The following AKAP19 variants were observed in gnomAD, a reference collection of about 807,000 sequenced individuals.
AKAP19 encodes A-kinase anchoring protein 19, also known as small A-kinase anchoring protein.
the AKAP19 span, among the ~76,000 whole-genome samples, chr2:189,936,086 A>G: frequency 2.6e-5 from 4 of 152,266 alleles, no homozygotes; most frequent in African/African-American, 9.6e-5. Flanking sequence ...TTTCTATCTA[A>G]AGATGGTAAA....
the AKAP19 span, among the ~76,000 whole-genome samples, chr2:190,091,523 TTAG>T: frequency 7.3e-6 from 1 of 136,360 alleles, no homozygotes; most frequent in South Asian, 2.5e-4. Flanking sequence ...TTGTATCAAA[TTAG>T]TAGTTTATCC....
chr2:190,159,123 G>C, the AKAP19 span, among the ~76,000 whole-genome samples: 55 of 152,322 alleles, frequency 3.6e-4, no homozygotes, highest in African/African-American at 1.3e-3. Flanking sequence ...GCTGGGATTA[G>C]GCACTTGCCT....
At chr2:189,880,906 C>T in the AKAP19 span, among the ~76,000 whole-genome samples, 124 of 152,184 alleles carry the variant, frequency 8.1e-4, no homozygotes, top group Admixed American at 1.4e-3. Context: ...TGGAGCATTT[C>T]GGGCAAGCCA....
the AKAP19 span, among the ~76,000 whole-genome samples, chr2:189,927,629 T>G: frequency 6.6e-6 from 1 of 152,230 alleles, no homozygotes; most frequent in Non-Finnish European, 1.5e-5. Flanking sequence ...GATTTTAAGT[T>G]GTACACATGA....
the AKAP19 span, among the ~76,000 whole-genome samples, chr2:190,024,073 A>G: frequency 6.6e-6 from 1 of 151,808 alleles, no homozygotes; most frequent in African/African-American, 2.4e-5. Flanking sequence ...GCAATAGTAA[A>G]TGTATTTATG....
At chr2:190,079,400 A>G in the AKAP19 span, 67,871 of 152,126 alleles carry the variant, frequency 0.45, 15,475 homozygotes, top group Middle Eastern at 0.51. Flanking sequence ...TATCATAAGT[A>G]ACTACCACTT....
chr2:190,009,599 G>A, the AKAP19 span, among the ~76,000 whole-genome samples: 1 of 152,182 alleles, frequency 6.6e-6, no homozygotes. Flanking sequence ...GATATGTTGA[G>A]TTTGAGATGT....
the AKAP19 span, among the ~76,000 whole-genome samples, chr2:190,166,871 A>G: frequency 1.3e-5 from 2 of 152,174 alleles, no homozygotes; most frequent in African/African-American, 2.4e-5. Context: ...CTGCTATTCA[A>G]TTATAGCCAG....
the AKAP19 span, among the ~76,000 whole-genome samples, chr2:190,141,002 A>G: frequency 1.3e-5 from 2 of 152,142 alleles, no homozygotes; most frequent in Admixed American, 6.5e-5. Context: ...AGGGCAGGGG[A>G]AAAATGCCAC....
the AKAP19 span, among the ~76,000 whole-genome samples, chr2:189,906,073 CATTTAAT>C: frequency 6.6e-6 from 1 of 152,004 alleles, no homozygotes; most frequent in Non-Finnish European, 1.5e-5. Context: ...ATTTACCAAG[CATTTAAT>C]ATGTCAGGAA....
the AKAP19 span, among the ~76,000 whole-genome samples, chr2:190,118,667 G>A: frequency 3.9e-5 from 6 of 152,150 alleles, no homozygotes; most frequent in Non-Finnish European, 7.4e-5. Context: ...AAATTCAACA[G>A]CCCTTCATGC....
At chr2:189,928,264 C>G in the AKAP19 span, among the ~76,000 whole-genome samples, 1 of 151,986 alleles carries the variant, frequency 6.6e-6, no homozygotes, top group East Asian at 1.9e-4. Flanking sequence ...TATTTGAAGG[C>G]CCATTGTATC....
the AKAP19 span, among the ~76,000 whole-genome samples, chr2:189,998,928 T>C: frequency 6.6e-6 from 1 of 151,738 alleles, no homozygotes; most frequent in African/African-American, 2.4e-5. Flanking sequence ...CCTACCACCA[T>C]GCCTGGCTAA....
At chr2:190,046,073 C>T in the AKAP19 span, among the ~76,000 whole-genome samples, 1 of 152,184 alleles carries the variant, frequency 6.6e-6, no homozygotes, top group African/African-American at 2.4e-5. Context: ...TCCCGGGTGG[C>T]CGATTGTCCT....
chr2:189,917,672 A>G, the AKAP19 span: 1 of 281,702 alleles, frequency 3.5e-6, no homozygotes, highest in African/African-American at 2.3e-5. Context: ...CGGTATCATT[A>G]CCATTAGGTT....
At chr2:190,062,390 A>G in the AKAP19 span, 1 of 1,613,438 alleles carries the variant, frequency 6.2e-7, no homozygotes, top group Non-Finnish European at 8.5e-7. Flanking sequence ...TGATGTTAGG[A>G]GCTGTTTCCA....
the AKAP19 span, among the ~76,000 whole-genome samples, chr2:189,903,815 C>A: frequency 6.6e-6 from 1 of 151,832 alleles, no homozygotes; most frequent in African/African-American, 2.4e-5. Context: ...TCTAGTAGTC[C>A]ACAGTGTCTA....
chr2:189,918,185 T>G, the AKAP19 span, among the ~76,000 whole-genome samples: 3 of 152,110 alleles, frequency 2.0e-5, no homozygotes, highest in Admixed American at 6.5e-5. Context: ...AATATTATAC[T>G]TGTTGTTTCA....
the AKAP19 span, among the ~76,000 whole-genome samples, chr2:190,070,670 G>A: frequency 7.3e-6 from 1 of 137,464 alleles, no homozygotes; most frequent in African/African-American, 2.8e-5. Flanking sequence ...AAATATGTAA[G>A]TAAGACATTA....
Sources: allele counts gnomAD v4.1 joint callset (sites outside exome capture counted in the v4.1 genomes callset), GRCh38; gene constraint gnomAD v4.1.1; transcripts MANE v1.5; gene names NCBI Gene and HGNC (gene_info 2026-07-23, HGNC 2026-07-21).